Variants in MCUB observed in about 807,000 individuals in gnomAD.
MCUB encodes calcium uniporter regulatory subunit MCUb, mitochondrial.
In MCUB, 46 loss-of-function variants were observed where a neutral mutation model predicts 41.4. That is an observed-to-expected ratio of 1.11 (90% confidence interval 0.88 to 1.42). The LOEUF (loss-of-function observed/expected upper bound fraction) is 1.42, where lower values mean the gene tolerates loss of function less well. MCUB is among the 40% of genes most tolerant of loss of function. The pLI is 0.00. For synonymous variants in MCUB, 148 were observed against 148.2 expected (o/e 1.00, Z 0.01); for missense variants, 403 against 404.9 (o/e 1.00, Z 0.04).
At chr4:109,665,627 G>A (rs547108884) in intron 4 of MCUB, among the ~76,000 whole-genome samples, 44 of 152,224 alleles carry the variant, frequency 2.9e-4, no homozygotes, top group South Asian at 1.2e-3. Flanking sequence ...TGTAAATGCT[G>A]TGTAAATGGT....
chr4:109,562,524 A>G (rs1043699271), intron 1 of MCUB, among the ~76,000 whole-genome samples: 10 of 152,204 alleles, frequency 6.6e-5, no homozygotes, highest in Non-Finnish European at 1.2e-4. Flanking sequence ...GACATTTTTC[A>G]TTCTAAGATA....
intron 1 of MCUB, among the ~76,000 whole-genome samples, chr4:109,653,954 G>T (rs28462209): frequency 6.6e-6 from 1 of 151,906 alleles, no homozygotes; most frequent in Non-Finnish European, 1.5e-5. Context: ...ACTCATTTTT[G>T]TTTTATTTCT....
intron 1 of MCUB, among the ~76,000 whole-genome samples, chr4:109,645,014 A>G (rs1010875129): frequency 6.6e-6 from 1 of 152,166 alleles, no homozygotes; most frequent in Admixed American, 6.5e-5. Context: ...CTGGAGCAAC[A>G]AGCCTCCCCC....
rs138550115 is a variant in MCUB at position 109,652,294 on chromosome 4, TTC to T, written c.100-6715_100-6714del. 7.4e-3 allele frequency among the ~76,000 whole-genome samples: 1,130 copies of T among 152,284 alleles called. 27 individuals are homozygous for T. The highest frequency in any genetic ancestry group is 0.06 in the South Asian group (287 of 4,820). Reference sequence around the variant, plus strand: ...GGGCACAGTTCAGCTCATAATAGTGTTCTATTCAGCTTCCACTTGAGTTTAGT... The same window carrying T: ...GGGCACAGTTCAGCTCATAATAGTGTTATTCAGCTTCCACTTGAGTTTAGT... On this transcript the variant is annotated intron_variant, in intron 1 of 7. Coordinates refer to ENST00000394650, the MANE Select transcript of MCUB (RefSeq NM_017918.5).
At chr4:109,634,958 C>A (rs544756108) in intron 1 of MCUB, among the ~76,000 whole-genome samples, 3 of 152,080 alleles carry the variant, frequency 2.0e-5, no homozygotes, top group African/African-American at 7.2e-5. Context: ...CCTAGCCCCC[C>A]AACCCCCTGA....
At chr4:109,682,949 GA>G in intron 5 of MCUB, 2 of 470,398 alleles carry the variant, frequency 4.3e-6, no homozygotes, top group Non-Finnish European at 7.6e-6. Flanking sequence ...ATACATGGTA[GA>G]GCCTGGACTT....
intron 1 of MCUB, among the ~76,000 whole-genome samples, chr4:109,656,840 C>G (rs899255234): frequency 6.6e-6 from 1 of 152,130 alleles, no homozygotes; most frequent in African/African-American, 2.4e-5. Flanking sequence ...AGAACTTCTA[C>G]CTATATTTAT....
chr4:109,642,405 A>G (rs1728739914), intron 1 of MCUB, among the ~76,000 whole-genome samples: 1 of 152,236 alleles, frequency 6.6e-6, no homozygotes, highest in African/African-American at 2.4e-5. Context: ...ATTGTCAGAT[A>G]TGGTGCTTTT....
intron 1 of MCUB, among the ~76,000 whole-genome samples, chr4:109,580,598 TG>T (rs1727148684): frequency 6.6e-6 from 1 of 152,218 alleles, no homozygotes; most frequent in African/African-American, 2.4e-5. Flanking sequence ...GGCATCTCAT[TG>T]TGGTTTTGAT....
At chr4:109,649,835 A>G (rs6858416) in intron 1 of MCUB, among the ~76,000 whole-genome samples, 35,690 of 151,910 alleles carry the variant, frequency 0.23, 4,892 homozygotes, top group South Asian at 0.34. Context: ...CAGCCTCCCA[A>G]AGTGTTCGGA....
intron 3 of MCUB, among the ~76,000 whole-genome samples, chr4:109,663,909 CCT>C (rs893632275): frequency 6.6e-6 from 1 of 151,084 alleles, no homozygotes; most frequent in African/African-American, 2.4e-5. Context: ...AGCTCTGCTG[CCT>C]ACACTCCACC....
At chr4:109,614,497 A>T (rs1728084888) in intron 1 of MCUB, among the ~76,000 whole-genome samples, 1 of 151,804 alleles carries the variant, frequency 6.6e-6, no homozygotes, top group Non-Finnish European at 1.5e-5. Context: ...ATAGAATAAG[A>T]TAGCCATTTG....
chr4:109,605,873 T>C (rs1256370857), intron 1 of MCUB, among the ~76,000 whole-genome samples: 1 of 152,210 alleles, frequency 6.6e-6, no homozygotes, highest in Non-Finnish European at 1.5e-5. Flanking sequence ...TAGCATGGAA[T>C]ATCTTTTTTC....
intron 1 of MCUB, among the ~76,000 whole-genome samples, chr4:109,609,542 TG>T (rs1049222887): frequency 2.6e-5 from 4 of 152,154 alleles, no homozygotes; most frequent in Non-Finnish European, 5.9e-5. Context: ...ACCTATATCT[TG>T]TGCCGACCTC....
chr4:109,587,905 C>T (rs758237031), intron 1 of MCUB, among the ~76,000 whole-genome samples: 2 of 151,968 alleles, frequency 1.3e-5, no homozygotes, highest in Non-Finnish European at 2.9e-5. Flanking sequence ...AAATAACAGT[C>T]GAAATGAAAA....
chr4:109,664,107 T>C (rs1729291103), intron 3 of MCUB, among the ~76,000 whole-genome samples, 183 bp from the exon 4 acceptor site: 1 of 151,932 alleles, frequency 6.6e-6, no homozygotes, highest in Non-Finnish European at 1.5e-5. Context: ...AAATGGGAGG[T>C]AGAGCAATAG....
At chr4:109,666,145 C>T (rs1729341769) in intron 4 of MCUB, among the ~76,000 whole-genome samples, 2 of 152,236 alleles carry the variant, frequency 1.3e-5, no homozygotes, top group Non-Finnish European at 2.9e-5. Flanking sequence ...TAGCTCATTT[C>T]CTTTTAGTGC....
chr4:109,630,157 T>C (rs2346327), intron 1 of MCUB, among the ~76,000 whole-genome samples: 1 of 29,320 alleles, frequency 3.4e-5, no homozygotes, highest in African/African-American at 1.1e-4. Context: ...TTTTTCTTTT[T>C]ATCAGATTAA....
Position 109,599,914 on chromosome 4 carries a change from C to T in MCUB, c.99+39478C>T, listed in dbSNP as rs555435614. ...CAGACTCCTGACCTCAAGCAGTCCG[C>T]TCACCTCAGCCTCTCAAAGTGCTGG... On this transcript the variant is annotated intron_variant, in intron 1 of 7. Coordinates refer to ENST00000394650, the MANE Select transcript of MCUB (RefSeq NM_017918.5). Among the ~76,000 whole-genome samples, 3 of 152,298 alleles carry T rather than the reference C, an allele frequency of 2.0e-5. No individual in the cohort carries two copies. In the South Asian group the frequency reaches 6.2e-4, roughly 32 times the overall value.
Sources: gnomAD v4.1 joint callset for allele counts (sites outside exome capture counted in the v4.1 genomes callset) on GRCh38, gnomAD v4.1.1 for gene constraint, MANE v1.5 for transcripts, NCBI Gene and HGNC (gene_info 2026-07-23, HGNC 2026-07-21) for gene names.